TOP2B: variants seen among roughly 807,000 people sequenced by gnomAD.
TOP2B encodes the protein DNA topoisomerase II beta, also known as DNA topoisomerase 2-beta.
A neutral mutation model predicts 193.5 loss-of-function variants in TOP2B; 51 were observed. That is an observed-to-expected ratio of 0.26 (90% CI 0.21 to 0.33). The LOEUF is 0.33. TOP2B is among the 10% of genes least tolerant of loss of function. TOP2B has a pLI of 1.00. For missense variants in TOP2B, 1,378 were observed against 1,909.3 expected, an observed-to-expected ratio of 0.72 and a Z score of 5.19; for synonymous variants, 634 against 635.7, an observed-to-expected ratio of 1.00 and a Z score of 0.04.
chr3:25,661,845 C>A (rs992549456), intron 1 of TOP2B, among the ~76,000 whole-genome samples: 6 of 152,164 alleles, frequency 3.9e-5, no homozygotes, highest in African/African-American at 1.2e-4. Flanking sequence ...ATATCAGCAA[C>A]ACATGGCATA....
At chr3:25,619,057 T>C (rs917490461) in intron 23 of TOP2B, among the ~76,000 whole-genome samples, 1 of 152,124 alleles carries the variant, frequency 6.6e-6, no homozygotes, top group Non-Finnish European at 1.5e-5. Context: ...GCCAATAAAT[T>C]CAATTCTCAC....
intron 25 of TOP2B, 31 bp from the exon 26 acceptor site, chr3:25,615,617 T>C: frequency 7.0e-7 from 1 of 1,437,908 alleles, no homozygotes. Context: ...TATATTAAAG[T>C]CTTGTATAGT....
In TOP2B at chr3:25,598,127, TA is replaced by T; in HGVS notation, c.*179del. 1 of 574,320 alleles carries T rather than the reference TA, an allele frequency of 1.7e-6. No homozygotes were observed. The highest frequency in any genetic ancestry group is 2.9e-6 in the Non-Finnish European group (1 of 345,546). The allele number at this position is 574,320 out of a possible 1,614,324, so 35.6% of individuals were successfully genotyped here. On this transcript the variant is annotated 3_prime_UTR_variant, in exon 36 of 36. Coordinates refer to ENST00000264331, the MANE Select transcript of TOP2B (RefSeq NM_001330700.2). ...AGACAGTACGTGACATTTCAATGAG[TA>T]AAAAAGAGCATAAAACTGTATGTGT...
intron 1 of TOP2B, among the ~76,000 whole-genome samples, chr3:25,648,204 T>G (rs1341928107): frequency 6.6e-6 from 1 of 152,140 alleles, no homozygotes; most frequent in African/African-American, 2.4e-5. Flanking sequence ...CAAAGTGCTT[T>G]GGTTTAGCAT....
At chr3:25,602,736 C>A (rs937323263) in intron 33 of TOP2B, among the ~76,000 whole-genome samples, 1 of 151,918 alleles carries the variant, frequency 6.6e-6, no homozygotes, top group African/African-American at 2.4e-5. Flanking sequence ...ACTTTTTTTC[C>A]TTGGCTTGGA....
In TOP2B at chr3:25,598,183, A is replaced by ATAAT. The variant is rs1406487839; in HGVS notation, c.*120_*123dup. On this transcript the variant is annotated 3_prime_UTR_variant, in exon 36 of 36. Transcript: ENST00000264331. ...ACAAAATGTTAAAAGGCCTACCACAATAATAAAAAACCGTCAATTACATCA... is the reference window on the plus strand; with the variant it reads ...ACAAAATGTTAAAAGGCCTACCACAATAATTAATAAAAAACCGTCAATTACATCA... 4.8e-6 allele frequency: 5 copies of ATAAT among 1,047,586 alleles called. No individual in the cohort carries two copies. The highest frequency in any genetic ancestry group is 5.5e-6 in the Non-Finnish European group (4 of 733,866). 64.9% of individuals were successfully genotyped at this position (1,047,586 alleles called of 1,614,324 possible).
In TOP2B at chr3:25,636,126, TTCA is replaced by T; in HGVS notation, c.659_661del (p.Met220del). ...ATGTTTAATTTTGGCTTCAGAAGTC[TTCA>T]TCATATTATTCATCCATGTCTTTAA... On this transcript the variant is annotated inframe_deletion, in exon 7 of 36. Coordinates refer to ENST00000264331, the MANE Select transcript of TOP2B (RefSeq NM_001330700.2). 6.3e-7 allele frequency: 1 copy of T among 1,592,944 alleles called. No homozygotes were observed. The highest frequency in any genetic ancestry group is 8.6e-7 in the Non-Finnish European group (1 of 1,168,098).
At position 25,609,699 on chromosome 3, in the gene TOP2B, G is replaced by A. The variant is rs1301841330; in HGVS notation, c.3800C>T (p.Thr1267Ile). 6 of 1,499,500 alleles carry A rather than the reference G, an allele frequency of 4.0e-6. No individual in the cohort carries two copies. Among genetic ancestry groups the A allele is most frequent in the Non-Finnish European group, 4.4e-6 (5 of 1,130,506 alleles). 92.9% of individuals were successfully genotyped at this position (1,499,500 alleles called of 1,614,324 possible). A position where few individuals can be genotyped will look rare whatever the true frequency, so the allele number is the denominator to read the frequency against. ...LLKKKKGDLD[T>I]AAVKVEFDEE... ...ATCAAATTCCACTTTTACTGCTGCAGTATCAAGATCACCCTACATAATAAA... is the reference window on the plus strand; with the variant it reads ...ATCAAATTCCACTTTTACTGCTGCAATATCAAGATCACCCTACATAATAAA... Residue 1267 changes from threonine to isoleucine, a missense_variant, in exon 29 of 36, where the codon ACT becomes ATT. Around this residue, in one of 9 missense-constraint regions of TOP2B, gnomAD observed 556 missense variants for 584.2 expected, o/e 0.95. Transcript: ENST00000264331.
intron 3 of TOP2B, among the ~76,000 whole-genome samples, chr3:25,643,022 G>T (rs1271128372): frequency 3.3e-5 from 5 of 152,204 alleles, no homozygotes; most frequent in African/African-American, 1.2e-4. Flanking sequence ...AAGAGTAAAG[G>T]TATAAAATGC....
intron 33 of TOP2B, among the ~76,000 whole-genome samples, chr3:25,603,085 C>T (rs1702148195): frequency 6.6e-6 from 1 of 152,102 alleles, no homozygotes; most frequent in Non-Finnish European, 1.5e-5. Context: ...GATAATCTAG[C>T]TTTTTGGTCA....
rs866921733 is a variant in TOP2B at position 25,664,656 on chromosome 3, C to G, written c.-359G>C. On this transcript the variant is annotated 5_prime_UTR_variant, in exon 1 of 36. Coordinates refer to ENST00000264331, the MANE Select transcript of TOP2B (RefSeq NM_001330700.2). ...AGCCCGGGCGTGCGAGCCGCGAGGG[C>G]GGCCGGGGAGCCCGAGGCGCTCGGA... 1.6e-5 allele frequency: 16 copies of G among 984,630 alleles called. No homozygotes were observed. The highest frequency in any genetic ancestry group is 5.2e-4 in the Middle Eastern group (1 of 1,912). The allele number at this position is 984,630 out of a possible 1,614,324, so 61.0% of individuals were successfully genotyped here.
chr3:25,611,234 A>G (rs1702361205), intron 28 of TOP2B, among the ~76,000 whole-genome samples: 1 of 152,218 alleles, frequency 6.6e-6, no homozygotes, highest in African/African-American at 2.4e-5. Flanking sequence ...AATGCTGAGA[A>G]ATGAATCTGA....
intron 1 of TOP2B, among the ~76,000 whole-genome samples, chr3:25,654,557 A>G (rs1703691018): frequency 6.6e-6 from 1 of 152,140 alleles, no homozygotes; most frequent in Admixed American, 6.5e-5. Context: ...TCCCAATGGT[A>G]TTTTTTGCAG....
intron 1 of TOP2B, among the ~76,000 whole-genome samples, chr3:25,653,193 T>C (rs893280498): frequency 6.6e-6 from 1 of 152,120 alleles, no homozygotes; most frequent in African/African-American, 2.4e-5. Context: ...ACTTGAAAAT[T>C]CTACCAAATA....
chr3:25,664,157 C>A (rs1704010679), intron 1 of TOP2B, 72 bp downstream of exon 1: 1 of 1,529,186 alleles, frequency 6.5e-7, no homozygotes, highest in African/African-American at 1.4e-5. Flanking sequence ...CCCTCCCCCG[C>A]CCGTTCGGAA....
chr3:25,605,973 T>G lies in TOP2B; in HGVS notation c.4378+70A>C, dbSNP rs907616076. 3 of 865,694 alleles carry G rather than the reference T, an allele frequency of 3.5e-6. No homozygotes were observed. The African/African-American group carries it at 5.3e-5, about 15-fold the overall frequency. The allele number at this position is 865,694 out of a possible 1,614,324, so 53.6% of individuals were successfully genotyped here. ...GAAGTTAAATCATGACCTAACGATT[T>G]ATTTACTGTTTTCTCTCCACCACTA... On this transcript the variant is annotated intron_variant, in intron 32 of 35. Transcript: ENST00000264331.
rs1704020744 is a variant in TOP2B, at chr3:25,664,313, C to T, written c.-16G>A. On this transcript the variant is annotated 5_prime_UTR_variant, in exon 1 of 36. Transcript: ENST00000264331. ...ACTTGGCCATGGCGAGTGCCTCCAG[C>T]TCACAGGCCCTGAGGCCGCAGCCGC... 5.9e-6 allele frequency: 9 copies of T among 1,513,834 alleles called. No homozygotes were observed. The highest frequency in any genetic ancestry group is 7.9e-6 in the Non-Finnish European group (9 of 1,137,546). The allele number at this position is 1,513,834 out of a possible 1,614,324, so 93.8% of individuals were successfully genotyped here.
Position 25,664,539 on chromosome 3 carries a change from C to T in TOP2B, c.-242G>A, listed in dbSNP as rs1468756617. The T allele has an allele frequency of 1.8e-6, 2 of 1,127,018 alleles. No individual in the cohort carries two copies. Among genetic ancestry groups the T allele is most frequent in the East Asian group, 4.7e-5 (1 of 21,170 alleles). 69.8% of individuals were successfully genotyped at this position (1,127,018 alleles called of 1,614,324 possible). On this transcript the variant is annotated 5_prime_UTR_variant, in exon 1 of 36. Transcript: ENST00000264331. ...TCCGCGTCGCCCGGGCCTAGCGCGG[C>T]GGCTGAGGAGAAAGCAGGGAGCGAC...
chr3:25,631,531 C>T (rs1201571269), intron 10 of TOP2B, among the ~76,000 whole-genome samples: 2 of 152,030 alleles, frequency 1.3e-5, no homozygotes, highest in Non-Finnish European at 2.9e-5. Context: ...GCATCTCCAA[C>T]TCTAAGTCCT....
Sources: gnomAD v4.1 joint callset for allele counts (sites outside exome capture counted in the v4.1 genomes callset) on GRCh38, gnomAD v4.1.1 for gene constraint, gnomAD v4.1.1 regional missense constraint, MANE v1.5 for transcripts, NCBI Gene and HGNC (gene_info 2026-07-23, HGNC 2026-07-21) for gene names.